Variants in LAMA3 observed in about 807,000 individuals in gnomAD.
The protein encoded by LAMA3 is laminin subunit alpha 3.
LAMA3 carries 281 observed loss-of-function variants against 402.0 expected under a neutral mutation model. The observed-to-expected ratio is 0.70, with a 90% CI of 0.63 to 0.77. LAMA3 has a LOEUF of 0.77. Among genes scored for constraint, LAMA3 ranks in the 30% least tolerant of loss-of-function variants. The probability of loss-of-function intolerance (pLI) is 0.00; values close to 1 mark genes in which losing one functional copy is unlikely to be tolerated. For missense variants in LAMA3, 3,840 were observed against 4,215.5 expected (o/e 0.91, Z 2.47); for synonymous variants, 1,431 against 1,558.4 (o/e 0.92, Z 1.93).
At chr18:23,884,055 TGTG>T (rs751984452) in intron 40 of LAMA3, among the ~76,000 whole-genome samples, 1,020 of 77,822 alleles carry the variant, frequency 0.013, 7 homozygotes, top group Admixed American at 0.028. Context: ...TTGGTGTGTG[TGTG>T]TGTGTGTGTG....
intron 1 of LAMA3, among the ~76,000 whole-genome samples, chr18:23,696,510 G>T (rs3017550): frequency 0.58 from 87,974 of 151,534 alleles, 26,137 homozygotes; most frequent in Middle Eastern, 0.66. Context: ...AAATCCCCCT[G>T]TTTTTTTTGA....
intron 70 of LAMA3, 125 bp from the exon 71 acceptor site, chr18:23,949,640 G>C (rs1154242): frequency 1.1e-6 from 1 of 905,040 alleles, no homozygotes; most frequent in East Asian, 2.4e-5. Flanking sequence ...ACTTGGAAGC[G>C]GGAAGAATGA....
chr18:23,749,400 T>C, intron 3 of LAMA3, 28 bp from the exon 4 acceptor site: 1 of 1,129,738 alleles, frequency 8.9e-7, no homozygotes, highest in Non-Finnish European at 1.3e-6. Flanking sequence ...ATATTTTGTT[T>C]TATAATATTA....
chr18:23,768,486 A>G (rs1156433030), intron 8 of LAMA3, among the ~76,000 whole-genome samples: 2 of 152,214 alleles, frequency 1.3e-5, no homozygotes, highest in Admixed American at 6.5e-5. Context: ...AAGTCAAAAA[A>G]CAACAAATGC....
intron 13 of LAMA3, among the ~76,000 whole-genome samples, chr18:23,810,911 T>A (rs1271470340): frequency 6.6e-6 from 1 of 152,174 alleles, no homozygotes; most frequent in Admixed American, 6.5e-5. Context: ...GGCAGCACTG[T>A]AATGTTTCTA....
chr18:23,881,650 T>C (rs1232300856), intron 39 of LAMA3, among the ~76,000 whole-genome samples: 2 of 152,222 alleles, frequency 1.3e-5, no homozygotes, highest in Non-Finnish European at 2.9e-5. Context: ...GCCCCAGGGC[T>C]CCGTGGCCTT....
At chr18:23,729,960 C>T (rs1284897537) in intron 2 of LAMA3, among the ~76,000 whole-genome samples, 2 of 152,248 alleles carry the variant, frequency 1.3e-5, no homozygotes, top group Non-Finnish European at 2.9e-5. Flanking sequence ...TGCTGTCCCT[C>T]TCGCAGGATG....
Position 23,842,897 on chromosome 18 carries a change from C to A in LAMA3, c.3603+147C>A, listed in dbSNP as rs1322920278. ...GTTTAAATTTTACAGCTGTCTTTTACCCCCCAATAAATAAATAAATAAAGC... is the reference window on the plus strand; with the variant it reads ...GTTTAAATTTTACAGCTGTCTTTTAACCCCCAATAAATAAATAAATAAAGC... On this transcript the variant is annotated intron_variant, in intron 29 of 74. Transcript: ENST00000313654. 4.1e-6 allele frequency: 4 copies of A among 986,274 alleles called. No individual in the cohort carries two copies. In the South Asian group the frequency reaches 5.6e-5, roughly 14 times the overall value. 61.1% of individuals were successfully genotyped at this position (986,274 alleles called of 1,614,324 possible).
intron 31 of LAMA3, 88 bp downstream of exon 31, chr18:23,846,596 G>A (rs2144629776): frequency 8.4e-7 from 1 of 1,186,484 alleles, no homozygotes; most frequent in Non-Finnish European, 1.2e-6. Flanking sequence ...GTGGCACTGT[G>A]CTAGAGACTC....
intron 5 of LAMA3, 60 bp from the exon 6 acceptor site, chr18:23,753,661 T>C: frequency 1.6e-6 from 2 of 1,288,340 alleles, no homozygotes; most frequent in South Asian, 2.4e-5. Context: ...TAAAGACTAG[T>C]AAGAGAAAGT....
intron 2 of LAMA3, among the ~76,000 whole-genome samples, chr18:23,741,546 C>G (rs1472040658): frequency 2.0e-5 from 3 of 152,084 alleles, no homozygotes; most frequent in African/African-American, 7.2e-5. Flanking sequence ...GGACACCAAC[C>G]ACAAAGTAAA....
chr18:23,922,766 T>C (rs566468374), intron 62 of LAMA3, among the ~76,000 whole-genome samples: 1 of 152,300 alleles, frequency 6.6e-6, no homozygotes, highest in African/African-American at 2.4e-5. Flanking sequence ...TAAAATAAAA[T>C]CGTTTAAGGT....
At position 23,758,518 on chromosome 18, in the gene LAMA3, G is replaced by A; in HGVS notation, c.1063+7G>A. The A allele has an allele frequency of 6.2e-7, 1 of 1,606,010 alleles. No individual in the cohort carries two copies. The highest frequency in any genetic ancestry group is 8.5e-7 in the Non-Finnish European group (1 of 1,175,626). ...CAGAGCCACGAGTGTGAAGGTGGGT[G>A]TGGGGATGGGGTGGGGGCCACACGT... is the stretch of plus-strand genomic sequence containing the variant. On this transcript the variant is annotated splice_region_variant and intron_variant, in intron 7 of 74. Transcript: ENST00000313654.
Position 23,810,415 on chromosome 18 carries a change from G to A in LAMA3, c.1653G>A (p.Val551=), listed in dbSNP as rs1434037684. The change falls in exon 13 of 75, where the codon GTG becomes GTA. Residue 551 remains valine (V), a synonymous_variant. Transcript: ENST00000313654. ...LGSYQMPCSS[V]TGQCECRPGV... ...CCTACCAGATGCCCTGCAGCTCAGTGACTGGACAGTGTGAATGTCGGCCAG... is the reference window on the plus strand; with the variant it reads ...CCTACCAGATGCCCTGCAGCTCAGTAACTGGACAGTGTGAATGTCGGCCAG... 6.2e-7 allele frequency: 1 copy of A among 1,614,160 alleles called. No individual in the cohort carries two copies. Among genetic ancestry groups the A allele is most frequent in the South Asian group, 1.1e-5 (1 of 91,074 alleles).
intron 39 of LAMA3, among the ~76,000 whole-genome samples, chr18:23,878,138 A>G (rs1471706730): frequency 6.6e-6 from 1 of 152,136 alleles, no homozygotes; most frequent in Non-Finnish European, 1.5e-5. Flanking sequence ...AAAAAAGAAT[A>G]AATATGTTAT....
intron 72 of LAMA3, among the ~76,000 whole-genome samples, chr18:23,950,598 CCAGTTATA>C (rs2082875265): frequency 1.3e-5 from 2 of 152,266 alleles, no homozygotes; most frequent in South Asian, 2.1e-4. Flanking sequence ...TTTCCACCAC[CCAGTTATA>C]TCTCTTTCCT....
At chr18:23,925,526 A>C (rs542772650) in intron 62 of LAMA3, among the ~76,000 whole-genome samples, 6 of 152,304 alleles carry the variant, frequency 3.9e-5, no homozygotes, top group African/African-American at 1.4e-4. Flanking sequence ...TAAGTACCCA[A>C]CACCAAGATT....
intron 21 of LAMA3, among the ~76,000 whole-genome samples, chr18:23,825,755 G>T (rs2063370114): frequency 2.0e-5 from 3 of 152,064 alleles, no homozygotes. Flanking sequence ...ACGGAAAGTA[G>T]AAGTTCATTA....
rs145163046 is a variant in LAMA3 at position 23,737,336 on chromosome 18, A to T, written c.448-10607A>T. Among the ~76,000 whole-genome samples the T allele has an allele frequency of 3.4e-4, 52 of 152,300 alleles. No homozygotes were observed. The East Asian group carries it at 9.2e-3, about 27-fold the overall frequency. ...GCCTATGCTGATGGGGCGGAAACCCAGTTCTGTTGTGCATCAGGCATGGAA... is the reference window on the plus strand; with the variant it reads ...GCCTATGCTGATGGGGCGGAAACCCTGTTCTGTTGTGCATCAGGCATGGAA... On this transcript the variant is annotated intron_variant, in intron 2 of 74. Transcript: ENST00000313654.
Sources: gnomAD v4.1 joint callset for allele counts (sites outside exome capture counted in the v4.1 genomes callset) on GRCh38, gnomAD v4.1.1 for gene constraint, MANE v1.5 for transcripts, NCBI Gene and HGNC (gene_info 2026-07-23, HGNC 2026-07-21) for gene names.